RALB: variants seen among roughly 807,000 people sequenced by gnomAD.
RALB encodes RAS like proto-oncogene B.
Under a neutral mutation model 21.3 loss-of-function variants are expected in RALB, and 16 were observed. The ratio of observed to expected loss-of-function variants is 0.75; its 90% CI spans 0.51 to 1.14. The LOEUF (loss-of-function observed/expected upper bound fraction) is 1.14. Among genes scored for constraint, RALB ranks in the 50% most tolerant of loss-of-function variants. The pLI, the probability that RALB is intolerant of heterozygous loss-of-function variation, is 0.00. For missense variants in RALB, 161 were observed against 256.2 expected (o/e 0.63, Z 2.54); for synonymous variants, 93 against 96.1 (o/e 0.97, Z 0.19).
At chr2:120,285,832 C>G (rs1690119269) in intron 2 of RALB, 42 bp from the exon 3 acceptor site, 1 of 1,568,230 alleles carries the variant, frequency 6.4e-7, no homozygotes, top group Non-Finnish European at 8.8e-7. Context: ...ATTTTGTTCC[C>G]CTTAAGACTT....
upstream of RALB, among the ~76,000 whole-genome samples, chr2:120,247,942 A>T (rs554606782): frequency 6.6e-6 from 1 of 152,290 alleles, no homozygotes; most frequent in South Asian, 2.1e-4. Context: ...ACGGAATGGG[A>T]ATGGAGCTGT....
intron 1 of RALB, among the ~76,000 whole-genome samples, chr2:120,277,321 TG>T (rs1689824622): frequency 6.6e-6 from 1 of 151,294 alleles, no homozygotes; most frequent in Non-Finnish European, 1.5e-5. Context: ...TTACAGCATG[TG>T]AGATTGTGTG....
intron 1 of RALB, among the ~76,000 whole-genome samples, chr2:120,260,997 G>A (rs1158103007): frequency 5.3e-5 from 8 of 152,182 alleles, no homozygotes; most frequent in Non-Finnish European, 5.9e-5. Flanking sequence ...CATGATTAGA[G>A]ACTAGGTTAG....
chr2:120,279,574 A>G (rs1428510485), intron 2 of RALB, among the ~76,000 whole-genome samples: 1 of 152,220 alleles, frequency 6.6e-6, no homozygotes, highest in Non-Finnish European at 1.5e-5. Context: ...TTTAAAGTGT[A>G]CGGGAGGATG....
intron 1 of RALB, among the ~76,000 whole-genome samples, chr2:120,245,014 C>G (rs923983475): frequency 5.9e-5 from 9 of 152,190 alleles, no homozygotes; most frequent in African/African-American, 2.2e-4. Context: ...TTTCGTCAGC[C>G]CTGGTGCCGA....
rs1451881469 is a variant in RALB, at chr2:120,254,186, G to A, written c.-48+1206G>A. 2.0e-5 allele frequency among the ~76,000 whole-genome samples: 3 copies of A among 152,198 alleles called. No homozygotes were observed. The East Asian group carries it at 5.8e-4, about 29-fold the overall frequency. On this transcript the variant is annotated intron_variant, in intron 1 of 4. Coordinates refer to ENST00000272519, the MANE Select transcript of RALB (RefSeq NM_002881.3). ...TGAGAGTTTACCGGTGTTGTGATGT[G>A]GAGCACGATCTTTCCCCCTCTGAGC...
In RALB at chr2:120,268,192, G is replaced by A. The variant is rs369558656; in HGVS notation, c.-47-10426G>A. On this transcript the variant is annotated intron_variant, in intron 1 of 4. Transcript: ENST00000272519. ...TGCTTTTGCCACATGGTGAAAGCTG[G>A]TCCACAGCAAGGAAGAGAGACAGAG... is the stretch of plus-strand genomic sequence containing the variant. Among the ~76,000 whole-genome samples the A allele has an allele frequency of 1.6e-3, 239 of 152,292 alleles. 2 individuals are homozygous for A. In the South Asian group the frequency reaches 0.022, roughly 14 times the overall value.
intron 1 of RALB, among the ~76,000 whole-genome samples, chr2:120,266,020 G>A (rs1334295411): frequency 6.6e-6 from 1 of 152,124 alleles, no homozygotes; most frequent in Non-Finnish European, 1.5e-5. Flanking sequence ...GGTGGAGGAG[G>A]ACTTTATTTC....
intron 1 of RALB, among the ~76,000 whole-genome samples, chr2:120,258,581 C>G (rs1689256787): frequency 3.3e-5 from 5 of 152,126 alleles, no homozygotes; most frequent in African/African-American, 1.2e-4. Context: ...ATTGGAAGGG[C>G]TGTGTGGAGA....
At chr2:120,247,593 G>GCAATGACTTACCACAGTTTAGTGA (rs1688991826) in intron 1 of RALB, among the ~76,000 whole-genome samples, 3 of 152,186 alleles carry the variant, frequency 2.0e-5, no homozygotes, top group African/African-American at 4.8e-5. Flanking sequence ...CAGTTTAGTG[G>GCAATGACTTACCACAGTTTAGTGA]CAATGACTTA....
At chr2:120,259,031 G>A (rs991789592) in intron 1 of RALB, among the ~76,000 whole-genome samples, 11 of 151,990 alleles carry the variant, frequency 7.2e-5, no homozygotes, top group South Asian at 4.2e-4. Context: ...AAGGTAGCGC[G>A]TCTGGAGTTG....
intron 1 of RALB, among the ~76,000 whole-genome samples, chr2:120,245,383 CTG>C (rs1688954677): frequency 6.6e-6 from 1 of 152,222 alleles, no homozygotes; most frequent in African/African-American, 2.4e-5. Context: ...CCCTCTCAGG[CTG>C]TGAGATCCTG....
chr2:120,258,570 C>T (rs1412963052), intron 1 of RALB, among the ~76,000 whole-genome samples: 1 of 152,180 alleles, frequency 6.6e-6, no homozygotes, highest in Non-Finnish European at 1.5e-5. Flanking sequence ...TTAGAAGCCC[C>T]ATTGGAAGGG....
intron 3 of RALB, 132 bp downstream of exon 3, chr2:120,286,214 C>T (rs1486683371): frequency 4.3e-6 from 3 of 693,452 alleles, no homozygotes; most frequent in African/African-American, 1.8e-5. Context: ...ATAATTCTGT[C>T]TAAAGAATCT....
At chr2:120,256,710 T>A (rs1379192034) in intron 1 of RALB, among the ~76,000 whole-genome samples, 1 of 152,222 alleles carries the variant, frequency 6.6e-6, no homozygotes, top group Non-Finnish European at 1.5e-5. Flanking sequence ...TATTTCTTCA[T>A]AGCAGCATGA....
chr2:120,279,832 T>C (rs1424258682), intron 2 of RALB, among the ~76,000 whole-genome samples: 1 of 152,226 alleles, frequency 6.6e-6, no homozygotes, highest in East Asian at 1.9e-4. Flanking sequence ...CTCTTTTCAC[T>C]AGACTTTCCC....
chr2:120,268,114 A>G (rs1400582345), intron 1 of RALB, among the ~76,000 whole-genome samples: 3 of 152,224 alleles, frequency 2.0e-5, no homozygotes, highest in Admixed American at 6.5e-5. Flanking sequence ...AAAGCACTAT[A>G]TGAGCAAACA....
At chr2:120,268,224 T>C (rs1376827750) in intron 1 of RALB, among the ~76,000 whole-genome samples, 3 of 152,226 alleles carry the variant, frequency 2.0e-5, no homozygotes, top group Non-Finnish European at 4.4e-5. Flanking sequence ...AGAGCCAGCA[T>C]GTGGCGAGAA....
chr2:120,255,311 G>A (rs960767857), intron 1 of RALB, among the ~76,000 whole-genome samples: 1 of 151,754 alleles, frequency 6.6e-6, no homozygotes, highest in Non-Finnish European at 1.5e-5. Context: ...GAATGTTATC[G>A]CAAAGAGAGC....
Sources: gnomAD v4.1 joint callset for allele counts (sites outside exome capture counted in the v4.1 genomes callset) on GRCh38, gnomAD v4.1.1 for gene constraint, MANE v1.5 for transcripts, NCBI Gene and HGNC (gene_info 2026-07-23, HGNC 2026-07-21) for gene names.